Variants in ERC2 observed in about 807,000 individuals in gnomAD.
The protein encoded by ERC2 is ERC protein 2.
A neutral mutation model predicts 114.8 loss-of-function variants in ERC2; 42 were observed. The ratio of observed to expected loss-of-function variants is 0.37; its 90% CI spans 0.29 to 0.47. ERC2 has a LOEUF of 0.47. Ranked by LOEUF, ERC2 falls within the 20% of genes least tolerant of loss-of-function variation. ERC2 has a pLI of 0.99. For synonymous variants in ERC2, 454 were observed against 425.5 expected (o/e 1.07, Z -0.82); for missense variants, 939 against 1,150.7 (o/e 0.82, Z 2.66).
rs546417608 is a variant in ERC2, at chr3:55,635,179, G to A, written c.*39+48615C>T. Among the ~76,000 whole-genome samples, 17 of 151,348 alleles carry A rather than the reference G, an allele frequency of 1.1e-4. No individual in the cohort carries two copies. The South Asian group carries it at 2.3e-3, about 21-fold the overall frequency. Reference sequence around the variant, plus strand: ...ATTACAGGCGTGAGCCACCGTGCCCGGCCTATTATTTCTTTTTTCTACAAA... The same window carrying A: ...ATTACAGGCGTGAGCCACCGTGCCCAGCCTATTATTTCTTTTTTCTACAAA... On this transcript the variant is annotated intron_variant, in intron 17 of 17. Transcript: ENST00000288221.
At chr3:55,759,689 A>T (rs2067303192) in intron 14 of ERC2, among the ~76,000 whole-genome samples, 1 of 152,158 alleles carries the variant, frequency 6.6e-6, no homozygotes, top group Admixed American at 6.5e-5. Flanking sequence ...TTTTACCTTT[A>T]GTAAATCTAG....
At chr3:55,617,835 T>C (rs1039246455) in intron 17 of ERC2, among the ~76,000 whole-genome samples, 1 of 152,214 alleles carries the variant, frequency 6.6e-6, no homozygotes, top group South Asian at 2.1e-4. Flanking sequence ...TAGGTGTTTT[T>C]AAGATCTGGA....
intron 17 of ERC2, among the ~76,000 whole-genome samples, chr3:55,605,730 C>T (rs547083055): frequency 6.6e-6 from 1 of 152,304 alleles, no homozygotes; most frequent in East Asian, 1.9e-4. Flanking sequence ...GGTGAGGCAT[C>T]TCTTGGTTCA....
chr3:56,009,888 T>G (rs1051098736), intron 9 of ERC2, among the ~76,000 whole-genome samples: 1 of 152,164 alleles, frequency 6.6e-6, no homozygotes, highest in Non-Finnish European at 1.5e-5. Context: ...ATGTTTGCTA[T>G]GGTATAAAAA....
At chr3:56,249,152 T>C (rs1416606627) in intron 3 of ERC2, among the ~76,000 whole-genome samples, 8 of 152,242 alleles carry the variant, frequency 5.3e-5, no homozygotes, top group Admixed American at 5.2e-4. Flanking sequence ...GGAGAATTTC[T>C]TGCTACATTG....
At chr3:55,740,074 C>T (rs147403336) in intron 14 of ERC2, among the ~76,000 whole-genome samples, 8 of 152,182 alleles carry the variant, frequency 5.3e-5, no homozygotes, top group African/African-American at 1.7e-4. Flanking sequence ...TAAGCTTTAA[C>T]ACTTATTTAT....
At chr3:55,942,639 A>T (rs2066887566) in intron 13 of ERC2, among the ~76,000 whole-genome samples, 1 of 152,038 alleles carries the variant, frequency 6.6e-6, no homozygotes, top group South Asian at 2.1e-4. Flanking sequence ...TGATTGCTCA[A>T]ACCTTGTAGG....
At chr3:55,861,494 A>T (rs911667531) in intron 14 of ERC2, among the ~76,000 whole-genome samples, 4 of 152,244 alleles carry the variant, frequency 2.6e-5, no homozygotes, top group Non-Finnish European at 5.9e-5. Context: ...ATATTCTAAG[A>T]TGGAGAAAGT....
intron 13 of ERC2, among the ~76,000 whole-genome samples, chr3:55,917,215 G>A (rs901037108): frequency 6.6e-6 from 1 of 152,040 alleles, no homozygotes; most frequent in African/African-American, 2.4e-5. Context: ...AAATCAGTTT[G>A]TATACCCTTA....
intron 14 of ERC2, among the ~76,000 whole-genome samples, chr3:55,878,414 C>T (rs963072709): frequency 1.3e-5 from 2 of 152,162 alleles, no homozygotes; most frequent in African/African-American, 4.8e-5. Context: ...CCACCATCTC[C>T]CCATCCTGCT....
At chr3:56,225,193 T>G (rs528987445) in intron 3 of ERC2, among the ~76,000 whole-genome samples, 1 of 152,096 alleles carries the variant, frequency 6.6e-6, no homozygotes, top group East Asian at 1.9e-4. Context: ...ATTTGTTAAC[T>G]GTTTCAAAAG....
At chr3:56,348,180 T>G (rs2058380630) in intron 2 of ERC2, among the ~76,000 whole-genome samples, 1 of 152,114 alleles carries the variant, frequency 6.6e-6, no homozygotes, top group Non-Finnish European at 1.5e-5. Flanking sequence ...TTCCTTTCCT[T>G]CTAATTCTCC....
At chr3:55,767,004 A>G (rs1169298131) in intron 14 of ERC2, among the ~76,000 whole-genome samples, 34 of 152,156 alleles carry the variant, frequency 2.2e-4, no homozygotes, top group Non-Finnish European at 7.3e-5. Flanking sequence ...GAGAAGCCTA[A>G]TTCATTCAAC....
intron 2 of ERC2, among the ~76,000 whole-genome samples, chr3:56,383,913 G>A (rs968394349): frequency 6.6e-6 from 1 of 152,064 alleles, no homozygotes; most frequent in African/African-American, 2.4e-5. Context: ...CTATGAATTT[G>A]ACTACTCTAG....
At chr3:56,221,269 C>G (rs1325862233) in intron 3 of ERC2, among the ~76,000 whole-genome samples, 1 of 151,476 alleles carries the variant, frequency 6.6e-6, no homozygotes, top group Admixed American at 6.6e-5. Context: ...TAGCAAGTGT[C>G]AATAATGCAG....
At chr3:56,270,512 G>C (rs2150292472) in intron 3 of ERC2, among the ~76,000 whole-genome samples, 1 of 152,300 alleles carries the variant, frequency 6.6e-6, no homozygotes, top group South Asian at 2.1e-4. Flanking sequence ...CTGTCAACTT[G>C]GCAAAGACCA....
At chr3:56,225,852 C>T (rs999583166) in intron 3 of ERC2, among the ~76,000 whole-genome samples, 1 of 152,086 alleles carries the variant, frequency 6.6e-6, no homozygotes, top group African/African-American at 2.4e-5. Flanking sequence ...GCTTCCAGCC[C>T]ACCAATGACC....
chr3:56,256,854 T>C (rs1437010688), intron 3 of ERC2, among the ~76,000 whole-genome samples: 1 of 152,182 alleles, frequency 6.6e-6, no homozygotes, highest in Non-Finnish European at 1.5e-5. Flanking sequence ...CTGCTTCCCC[T>C]TCTACCATGA....
intron 17 of ERC2, among the ~76,000 whole-genome samples, chr3:55,634,921 AG>A (rs1423723370): frequency 1.3e-5 from 2 of 149,858 alleles, no homozygotes; most frequent in Non-Finnish European, 3.0e-5. Context: ...CTCACTCTCT[AG>A]CCAGGCTGGA....
Sources: allele counts gnomAD v4.1 joint callset (sites outside exome capture counted in the v4.1 genomes callset), GRCh38; gene constraint gnomAD v4.1.1; transcripts MANE v1.5; gene names NCBI Gene and HGNC (gene_info 2026-07-23, HGNC 2026-07-21).